AP1S1: variants seen among roughly 807,000 people sequenced by gnomAD.
AP1S1 encodes the protein adaptor related protein complex 1 subunit sigma 1.
In AP1S1, 13 loss-of-function variants were observed where a neutral mutation model predicts 23.9. That is an observed-to-expected ratio of 0.54 (90% CI 0.35 to 0.86). AP1S1 has a LOEUF of 0.86. AP1S1 is among the 40% of genes least tolerant of loss of function. AP1S1 has a pLI of 0.01. For synonymous variants in AP1S1, 84 were observed against 77.7 expected (o/e 1.08, Z -0.43); for missense variants, 119 against 197.6 (o/e 0.60, Z 2.38).
chr7:101,160,755 C>A lies in AP1S1; in HGVS notation c.*189C>A. 1.3e-6 allele frequency: 1 copy of A among 754,188 alleles called. No individual in the cohort carries two copies. Among genetic ancestry groups the A allele is most frequent in the Non-Finnish European group, 2.3e-6 (1 of 430,860 alleles). The allele number at this position is 754,188 out of a possible 1,614,324, so 46.7% of individuals were successfully genotyped here. ...CCTCCACCCCCTACCTCCACTTTCC[C>A]CTTTTCCCACTGAAGGTTTTAGAAG... On this transcript the variant is annotated 3_prime_UTR_variant, in exon 5 of 5. Transcript: ENST00000337619.
At chr7:101,154,584 G>T in intron 1 of AP1S1, 67 bp downstream of exon 1, 1 of 1,538,030 alleles carries the variant, frequency 6.5e-7, no homozygotes, top group Non-Finnish European at 8.8e-7. Context: ...GGGGGTCCTC[G>T]GGGGCCGCCC....
At chr7:101,154,646 T>A (rs1796961564) in intron 1 of AP1S1, 129 bp downstream of exon 1, 1 of 1,068,898 alleles carries the variant, frequency 9.4e-7, no homozygotes. Context: ...CTCCCTTGCC[T>A]CGGCGGGTGG....
rs561044987 is a variant in AP1S1 at position 101,161,006 on chromosome 7, G to A, written c.*440G>A. Reference sequence around the variant, plus strand: ...AGCCAGGCAGCTTCTCTGCCTGGGAGGGGAGCCTGGACCCCCCTCTTTCTC... The same window carrying A: ...AGCCAGGCAGCTTCTCTGCCTGGGAAGGGAGCCTGGACCCCCCTCTTTCTC... On this transcript the variant is annotated 3_prime_UTR_variant, in exon 5 of 5. Coordinates refer to ENST00000337619, the MANE Select transcript of AP1S1 (RefSeq NM_001283.5). 2 of 353,590 alleles carry A rather than the reference G, an allele frequency of 5.7e-6. No homozygotes were observed. The highest frequency in any genetic ancestry group is 7.7e-5 in the East Asian group (1 of 12,948). 21.9% of individuals were successfully genotyped at this position (353,590 alleles called of 1,614,324 possible).
chr7:101,157,322 A>ATGCC, intron 2 of AP1S1, 55 bp from the exon 3 acceptor site: 1 of 1,425,508 alleles, frequency 7.0e-7, no homozygotes, highest in Admixed American at 2.0e-5. Flanking sequence ...TGAGACCAGA[A>ATGCC]TGCCTGGGTC....
At chr7:101,158,908 C>T (rs1584205000) in intron 3 of AP1S1, 151 bp from the exon 4 acceptor site, 1 of 1,067,114 alleles carries the variant, frequency 9.4e-7, no homozygotes, top group East Asian at 2.6e-5. Flanking sequence ...CTGTCTCTAA[C>T]AAAATAACGA....
In AP1S1 at chr7:101,154,534, G is replaced by T. The variant is rs1002784338; in HGVS notation, c.3+17G>T. On this transcript the variant is annotated intron_variant, in intron 1 of 4. Transcript: ENST00000337619. The stretch of plus-strand genomic sequence containing the variant: ...TGCAGGATGGTAGGCTGTGCGAAGA[G>T]GGAGGGGAGGGGGAAGCGAGGGGCG... 6.4e-7 allele frequency: 1 copy of T among 1,566,232 alleles called. No homozygotes were observed. The highest frequency in any genetic ancestry group is 8.6e-7 in the Non-Finnish European group (1 of 1,156,124).
intron 1 of AP1S1, chr7:101,155,111 T>C: frequency 1.2e-6 from 1 of 827,388 alleles, no homozygotes; most frequent in Middle Eastern, 6.1e-4. Context: ...TCTGCCCCCC[T>C]TCCCATTCTC....
At chr7:101,157,234 G>A in intron 2 of AP1S1, 143 bp from the exon 3 acceptor site, 2 of 605,126 alleles carry the variant, frequency 3.3e-6, no homozygotes, top group East Asian at 5.6e-5. Flanking sequence ...AGGCAGGTGA[G>A]TTACTCTTTA....
chr7:101,160,156 G>A (rs898721136), intron 4 of AP1S1, among the ~76,000 whole-genome samples: 1 of 152,016 alleles, frequency 6.6e-6, no homozygotes, highest in Non-Finnish European at 1.5e-5. Flanking sequence ...GACCCAGTCA[G>A]CTGTACCCCC....
intron 1 of AP1S1, chr7:101,155,105 C>T (rs1486066141): frequency 3.5e-5 from 30 of 859,158 alleles, no homozygotes; most frequent in South Asian, 1.1e-4. Context: ...GGGCTCTCTG[C>T]CCCCCTTCCC....
chr7:101,161,022 CCT>C lies in AP1S1; in HGVS notation c.*459_*460del. 5.7e-6 allele frequency: 2 copies of C among 351,946 alleles called. No individual in the cohort carries two copies. Among genetic ancestry groups the C allele is most frequent in the Non-Finnish European group, 1.1e-5 (2 of 179,994 alleles). The allele number at this position is 351,946 out of a possible 1,614,324, so 21.8% of individuals were successfully genotyped here. A position where few individuals can be genotyped will look rare whatever the true frequency, so the allele number is the denominator to read the frequency against. On this transcript the variant is annotated 3_prime_UTR_variant, in exon 5 of 5. Coordinates refer to ENST00000337619, the MANE Select transcript of AP1S1 (RefSeq NM_001283.5). ...TGCCTGGGAGGGGAGCCTGGACCCCCCTCTTTCTCCTTGGCTGCAGTGGGGCC... is the reference window on the plus strand; with the variant it reads ...TGCCTGGGAGGGGAGCCTGGACCCCCCTTTCTCCTTGGCTGCAGTGGGGCC...
rs1258437704 is a variant in AP1S1 at position 101,160,804 on chromosome 7, C to T, written c.*238C>T. 5 of 695,678 alleles carry T rather than the reference C, an allele frequency of 7.2e-6. No individual in the cohort carries two copies. The highest frequency in any genetic ancestry group is 1.3e-5 in the Non-Finnish European group (5 of 381,748). The allele number at this position is 695,678 out of a possible 1,614,324, so 43.1% of individuals were successfully genotyped here. On this transcript the variant is annotated 3_prime_UTR_variant, in exon 5 of 5. Coordinates refer to ENST00000337619, the MANE Select transcript of AP1S1 (RefSeq NM_001283.5). Reference sequence around the variant, plus strand: ...AGCTAGGAGGCAGGAAAATGTGACCCAGATGGGGGTGCTATTTGGCTTTTA... The same window carrying T: ...AGCTAGGAGGCAGGAAAATGTGACCTAGATGGGGGTGCTATTTGGCTTTTA...
At chr7:101,155,855 G>A (rs955744275) in intron 1 of AP1S1, among the ~76,000 whole-genome samples, 1 of 152,296 alleles carries the variant, frequency 6.6e-6, no homozygotes, top group Middle Eastern at 3.4e-3. Flanking sequence ...GGTTACTGTC[G>A]TCTTGTCACT....
At chr7:101,159,984 G>GCACACA (rs1352652553) in intron 4 of AP1S1, among the ~76,000 whole-genome samples, 19 of 140,678 alleles carry the variant, frequency 1.4e-4, no homozygotes, top group Middle Eastern at 7.4e-3. Context: ...ACACCCTGGC[G>GCACACA]CGCACACACA....
intron 2 of AP1S1, among the ~76,000 whole-genome samples, chr7:101,157,073 A>AACACACACGCAC (rs1797003816): frequency 6.6e-6 from 1 of 151,796 alleles, no homozygotes. Flanking sequence ...TACTTTTCCT[A>AACACACACGCAC]ACACACACGC....
chr7:101,161,177 G>A lies in AP1S1; in HGVS notation c.*611G>A, dbSNP rs77060326. On this transcript the variant is annotated 3_prime_UTR_variant, in exon 5 of 5. Transcript: ENST00000337619. ...GTCCTGGCCCTGGCCTTTCACTCCA[G>A]TTCTGGGTGAGGCAGGAGCTGGGAG... 601 of 207,994 alleles carry A rather than the reference G, an allele frequency of 2.9e-3. 16 individuals are homozygous for A. In the East Asian group the frequency reaches 0.065, roughly 22 times the overall value. The allele number at this position is 207,994 out of a possible 1,614,324, so 12.9% of individuals were successfully genotyped here.
intron 4 of AP1S1, 64 bp downstream of exon 4, chr7:101,159,260 C>T (rs1797046028): frequency 4.5e-6 from 7 of 1,548,124 alleles, no homozygotes; most frequent in East Asian, 4.9e-5. Context: ...TCCTCCCTCC[C>T]CTGGACACCC....
At chr7:101,154,560 TG>T in intron 1 of AP1S1, 43 bp downstream of exon 1, 1 of 1,495,858 alleles carries the variant, frequency 6.7e-7, no homozygotes, top group Non-Finnish European at 9.0e-7. Context: ...GCGAGGGGCG[TG>T]GGCTGCACCT....
At position 101,160,492 on chromosome 7, in the gene AP1S1, G is replaced by T. The variant is rs145250478; in HGVS notation, c.430-27G>T. The T allele has an allele frequency of 2.5e-6, 4 of 1,609,222 alleles. No homozygotes were observed. In the South Asian group the frequency reaches 4.4e-5, roughly 18 times the overall value. On this transcript the variant is annotated intron_variant, in intron 4 of 4. Transcript: ENST00000337619. ...TGTCGGCCTCTCCTGGTGTCTCTGC[G>T]TCACCCTCTGTCTGTCTCTGCCTTA...
Sources: allele counts gnomAD v4.1 joint callset (sites outside exome capture counted in the v4.1 genomes callset), GRCh38; gene constraint gnomAD v4.1.1; transcripts MANE v1.5; gene names NCBI Gene and HGNC (gene_info 2026-07-23, HGNC 2026-07-21).